PRKD3: variants seen among roughly 807,000 people sequenced by gnomAD.
The protein encoded by PRKD3 is protein kinase D3, also known as serine/threonine-protein kinase D3.
A neutral mutation model predicts 99.2 loss-of-function variants in PRKD3; 47 were observed. The ratio of observed to expected loss-of-function variants is 0.47; its 90% CI spans 0.38 to 0.60. The LOEUF (loss-of-function observed/expected upper bound fraction) is 0.60, where lower values mean the gene tolerates loss of function less well. Among genes scored for constraint, PRKD3 ranks in the 20% least tolerant of loss-of-function variants. The probability of loss-of-function intolerance (pLI) is 0.00; values close to 1 mark genes in which losing one functional copy is unlikely to be tolerated. For synonymous variants in PRKD3, 392 were observed against 355.4 expected (o/e 1.10, Z -1.16); for missense variants, 1,019 against 1,088.4 (o/e 0.94, Z 0.90).
intron 2 of PRKD3, among the ~76,000 whole-genome samples, chr2:37,314,648 G>T (rs1334340398): frequency 2.6e-5 from 4 of 151,756 alleles, no homozygotes; most frequent in African/African-American, 9.7e-5. Context: ...CAAAAAATAA[G>T]TAAATGAAAT....
intron 2 of PRKD3, among the ~76,000 whole-genome samples, chr2:37,294,996 A>G (rs1410285314): frequency 6.6e-6 from 1 of 152,174 alleles, no homozygotes; most frequent in Non-Finnish European, 1.5e-5. Flanking sequence ...AATCACTTGA[A>G]TCTGGGAGAC....
intron 18 of PRKD3, 90 bp from the exon 19 acceptor site, chr2:37,253,440 T>A: frequency 9.2e-7 from 1 of 1,088,408 alleles, no homozygotes; most frequent in Non-Finnish European, 1.3e-6. Context: ...TGTTGTTGTT[T>A]AGTGCCCTAG....
At chr2:37,282,486 C>T in intron 7 of PRKD3, 56 bp downstream of exon 7, 1 of 1,124,418 alleles carries the variant, frequency 8.9e-7, no homozygotes, top group Non-Finnish European at 1.3e-6. Flanking sequence ...AGATAATACA[C>T]CAAAGAATCA....
intron 14 of PRKD3, among the ~76,000 whole-genome samples, chr2:37,261,786 CAAAA>C (rs1168493638): frequency 1.3e-5 from 2 of 152,038 alleles, no homozygotes; most frequent in Non-Finnish European, 2.9e-5. Flanking sequence ...ATCTCAAAAA[CAAAA>C]AAACCCAGAC....
chr2:37,275,679 A>G (rs1669533909), intron 10 of PRKD3, 88 bp downstream of exon 10: 3 of 1,369,202 alleles, frequency 2.2e-6, no homozygotes, highest in Non-Finnish European at 2.0e-6. Flanking sequence ...AGAGTCATAT[A>G]TATTCAAATA....
At chr2:37,323,501 A>C (rs1671971024) in intron 1 of PRKD3, among the ~76,000 whole-genome samples, 1 of 152,032 alleles carries the variant, frequency 6.6e-6, no homozygotes, top group African/African-American at 2.4e-5. Context: ...TCTTGGCTGA[A>C]TGTCCATGCT....
At chr2:37,273,923 T>C (rs1669432253) in intron 11 of PRKD3, among the ~76,000 whole-genome samples, 1 of 152,260 alleles carries the variant, frequency 6.6e-6, no homozygotes, top group Non-Finnish European at 1.5e-5. Flanking sequence ...TATTTCTGTA[T>C]GTTTTAATAC....
chr2:37,278,216 G>A, intron 8 of PRKD3: 1 of 253,960 alleles, frequency 3.9e-6, no homozygotes, highest in Non-Finnish European at 7.4e-6. Flanking sequence ...ATGTTTTCTG[G>A]AGGGCCACAA....
At chr2:37,260,186 T>G in intron 15 of PRKD3, 37 bp downstream of exon 15, 1 of 1,547,924 alleles carries the variant, frequency 6.5e-7, no homozygotes, top group Non-Finnish European at 8.8e-7. Context: ...AATTAGTTTT[T>G]AATCGCTAGT....
chr2:37,283,407 A>C (rs1669945422), intron 6 of PRKD3, among the ~76,000 whole-genome samples: 1 of 152,200 alleles, frequency 6.6e-6, no homozygotes, highest in Non-Finnish European at 1.5e-5. Context: ...GGTAAAAATA[A>C]CTTTAAGTCC....
At chr2:37,264,522 G>A (rs1668694563) in intron 14 of PRKD3, among the ~76,000 whole-genome samples, 1 of 151,634 alleles carries the variant, frequency 6.6e-6, no homozygotes, top group Admixed American at 6.6e-5. Context: ...GGGGAGTGGA[G>A]GGGTGGGAGG....
intron 2 of PRKD3, among the ~76,000 whole-genome samples, chr2:37,313,689 C>A (rs1173220112): frequency 1.3e-5 from 2 of 152,114 alleles, no homozygotes; most frequent in Admixed American, 6.5e-5. Context: ...GAATGATTAA[C>A]ACCAAGTATT....
At chr2:37,314,102 C>G (rs1407292289) in intron 2 of PRKD3, among the ~76,000 whole-genome samples, 1 of 152,048 alleles carries the variant, frequency 6.6e-6, no homozygotes, top group African/African-American at 2.4e-5. Context: ...TTTCAATAGT[C>G]CTTTCTCGAG....
chr2:37,302,786 A>C, intron 2 of PRKD3, among the ~76,000 whole-genome samples: 1 of 151,972 alleles, frequency 6.6e-6, no homozygotes, highest in Non-Finnish European at 1.5e-5. Context: ...TCCTGAACTC[A>C]AGCAATCATT....
At chr2:37,281,595 C>T (rs1009697756) in intron 7 of PRKD3, among the ~76,000 whole-genome samples, 1 of 152,144 alleles carries the variant, frequency 6.6e-6, no homozygotes, top group Non-Finnish European at 1.5e-5. Context: ...CCTCACCAGA[C>T]ACAGAATCTG....
At chr2:37,259,726 A>G (rs1668261779) in intron 15 of PRKD3, 45 bp from the exon 16 acceptor site, 1 of 1,344,272 alleles carries the variant, frequency 7.4e-7, no homozygotes. Flanking sequence ...GAAAATCACA[A>G]GTAAACCTCA....
Position 37,254,307 on chromosome 2 carries a change from A to C in PRKD3, c.2414-18T>G. 1 of 1,598,078 alleles carries C rather than the reference A, an allele frequency of 6.3e-7. No homozygotes were observed. Among genetic ancestry groups the C allele is most frequent in the Non-Finnish European group, 8.6e-7 (1 of 1,165,472 alleles). ...ATCAATTGCTAAGGGAAAAGACAAA[A>C]CAAGATACATGAATTTGGGTGCACA... On this transcript the variant is annotated intron_variant, in intron 17 of 18. Coordinates refer to ENST00000234179, the MANE Select transcript of PRKD3 (RefSeq NM_005813.6).
chr2:37,299,111 G>C (rs1253653890), intron 2 of PRKD3, among the ~76,000 whole-genome samples: 1 of 152,012 alleles, frequency 6.6e-6, no homozygotes, highest in African/African-American at 2.4e-5. Flanking sequence ...TACCTAGTTT[G>C]TTGACAGTTT....
chr2:37,290,722 G>C (rs551347265), intron 4 of PRKD3, 146 bp downstream of exon 4: 1 of 824,302 alleles, frequency 1.2e-6, no homozygotes, highest in African/African-American at 1.7e-5. Flanking sequence ...AGGTGGCAGA[G>C]ATAAAATGAG....
Sources: allele counts gnomAD v4.1 joint callset (sites outside exome capture counted in the v4.1 genomes callset), GRCh38; gene constraint gnomAD v4.1.1; transcripts MANE v1.5; gene names NCBI Gene and HGNC (gene_info 2026-07-23, HGNC 2026-07-21).